The following SGMS2 variants were observed in gnomAD, a reference collection of about 807,000 sequenced individuals.
SGMS2 encodes sphingomyelin synthase 2.
In SGMS2, 21 loss-of-function variants were observed where a neutral mutation model predicts 43.8. The observed-to-expected ratio is 0.48, with a 90% CI of 0.34 to 0.69. The LOEUF is 0.69. SGMS2 is among the 30% of genes least tolerant of loss of function. The pLI is 0.01. For synonymous variants in SGMS2, 167 were observed against 160.6 expected (o/e 1.04, Z -0.30); for missense variants, 384 against 443.2 (o/e 0.87, Z 1.20).
rs930950674 is a variant in SGMS2, at chr4:107,859,475, A to G, written c.-245+922A>G. On this transcript the variant is annotated intron_variant, in intron 2 of 6. Transcript: ENST00000690982. ...GAATGTTGCTAAGGTTAGAATGCCT[A>G]CTTTGAGCTGGCACTAAGAATGGCA... Among the ~76,000 whole-genome samples the G allele has an allele frequency of 3.9e-5, 6 of 152,316 alleles. No individual in the cohort carries two copies. In the East Asian group the frequency reaches 7.7e-4, roughly 20 times the overall value.
At chr4:107,892,600 T>C (rs2126114510) in intron 2 of SGMS2, among the ~76,000 whole-genome samples, 2 of 152,270 alleles carry the variant, frequency 1.3e-5, no homozygotes, top group Admixed American at 1.3e-4. Flanking sequence ...TTTGGTTTCA[T>C]ACATTTTAGG....
At chr4:107,896,626 G>C (rs1423841890) in intron 3 of SGMS2, among the ~76,000 whole-genome samples, 2 of 152,154 alleles carry the variant, frequency 1.3e-5, no homozygotes, top group Non-Finnish European at 2.9e-5. Context: ...GATTTCTAAA[G>C]TAAACTTGCC....
intron 2 of SGMS2, among the ~76,000 whole-genome samples, chr4:107,872,561 T>C (rs1454511740): frequency 6.6e-6 from 1 of 152,114 alleles, no homozygotes; most frequent in Non-Finnish European, 1.5e-5. Flanking sequence ...TACCAGCTAC[T>C]CAGGAGGCTA....
At chr4:107,868,761 T>G (rs1728332510) in intron 2 of SGMS2, among the ~76,000 whole-genome samples, 1 of 152,134 alleles carries the variant, frequency 6.6e-6, no homozygotes, top group Admixed American at 6.5e-5. Context: ...AATGAAGCCT[T>G]TTTCTGCTCC....
At chr4:107,888,934 T>G (rs1729981665) in intron 2 of SGMS2, among the ~76,000 whole-genome samples, 1 of 152,186 alleles carries the variant, frequency 6.6e-6, no homozygotes, top group Non-Finnish European at 1.5e-5. Flanking sequence ...TAGTCATCAT[T>G]TAAAGTTTTG....
chr4:107,849,125 C>T (rs1726995796), intron 1 of SGMS2, among the ~76,000 whole-genome samples: 1 of 152,108 alleles, frequency 6.6e-6, no homozygotes, highest in Non-Finnish European at 1.5e-5. Flanking sequence ...GACTGGTTCT[C>T]TAAGGGAATG....
At chr4:107,867,562 C>G (rs903020271) in intron 2 of SGMS2, 2 of 152,190 alleles carry the variant, frequency 1.3e-5, no homozygotes, top group Non-Finnish European at 2.9e-5. Flanking sequence ...CCTGCCGAGT[C>G]AGAGCTACCA....
intron 4 of SGMS2, among the ~76,000 whole-genome samples, chr4:107,899,973 C>T (rs1391993724): frequency 6.6e-6 from 1 of 152,058 alleles, no homozygotes; most frequent in Non-Finnish European, 1.5e-5. Context: ...TGCTTTCATT[C>T]TACAGGCATT....
At chr4:107,837,226 A>G (rs1432861389) in intron 1 of SGMS2, among the ~76,000 whole-genome samples, 1 of 152,192 alleles carries the variant, frequency 6.6e-6, no homozygotes, top group Non-Finnish European at 1.5e-5. Context: ...TGAGAGAGGA[A>G]AAGGTGTTGA....
chr4:107,833,719 G>A (rs984800111), intron 1 of SGMS2, among the ~76,000 whole-genome samples: 79 of 152,202 alleles, frequency 5.2e-4, no homozygotes, highest in South Asian at 6.2e-4. Flanking sequence ...CACGGAAGGG[G>A]GAATTCAGGT....
chr4:107,887,995 A>G (rs1444053350), intron 2 of SGMS2, among the ~76,000 whole-genome samples: 1 of 152,222 alleles, frequency 6.6e-6, no homozygotes, highest in African/African-American at 2.4e-5. Flanking sequence ...CTTGTCTTGC[A>G]TCAGTGTGTC....
intron 2 of SGMS2, among the ~76,000 whole-genome samples, chr4:107,889,133 C>T (rs961833094): frequency 6.6e-6 from 1 of 152,106 alleles, no homozygotes; most frequent in African/African-American, 2.4e-5. Flanking sequence ...AACCTCAGTC[C>T]CTGTGGACTA....
intron 2 of SGMS2, among the ~76,000 whole-genome samples, chr4:107,876,664 A>G (rs1205907201): frequency 1.3e-5 from 2 of 152,254 alleles, no homozygotes; most frequent in Non-Finnish European, 2.9e-5. Context: ...TGAAGGTCAC[A>G]GAATACAAGA....
At chr4:107,872,620 T>C (rs1186036352) in intron 2 of SGMS2, among the ~76,000 whole-genome samples, 1 of 152,044 alleles carries the variant, frequency 6.6e-6, no homozygotes, top group African/African-American at 2.4e-5. Context: ...CAGTAAGCTA[T>C]GATTGTGCCA....
At chr4:107,838,346 AT>A (rs1726312282) in intron 1 of SGMS2, among the ~76,000 whole-genome samples, 1 of 152,228 alleles carries the variant, frequency 6.6e-6, no homozygotes, top group African/African-American at 2.4e-5. Context: ...CAAAGCACAA[AT>A]TAATTACTTC....
rs559458205 is a variant in SGMS2 at position 107,905,914 on chromosome 4, A to G, written c.727+2528A>G. 3.4e-3 allele frequency among the ~76,000 whole-genome samples: 514 copies of G among 152,314 alleles called. 2 individuals carry two copies. The highest frequency in any genetic ancestry group is 4.4e-3 in the Non-Finnish European group (298 of 68,018). ...ATGATTTTGACTAGAGGTTTCTAAAATTGTGTACATTTATATATAGTGTGC... is the reference window on the plus strand; with the variant it reads ...ATGATTTTGACTAGAGGTTTCTAAAGTTGTGTACATTTATATATAGTGTGC... On this transcript the variant is annotated intron_variant, in intron 5 of 6. Transcript: ENST00000690982.
chr4:107,882,812 GAT>G (rs1227764099), intron 2 of SGMS2, among the ~76,000 whole-genome samples: 1 of 152,008 alleles, frequency 6.6e-6, no homozygotes, highest in African/African-American at 2.4e-5. Flanking sequence ...TGTTTCAACT[GAT>G]ATTCAATTCA....
At chr4:107,842,815 G>A (rs1726601479) in intron 1 of SGMS2, among the ~76,000 whole-genome samples, 1 of 152,142 alleles carries the variant, frequency 6.6e-6, no homozygotes, top group African/African-American at 2.4e-5. Context: ...GGTGTAATCG[G>A]AGCTGATTTT....
intron 1 of SGMS2, among the ~76,000 whole-genome samples, chr4:107,837,244 G>A (rs1578503739): frequency 6.6e-6 from 1 of 152,188 alleles, no homozygotes; most frequent in Non-Finnish European, 1.5e-5. Flanking sequence ...TGAAAAGCAG[G>A]ACTGATAGGA....
Sources: allele counts gnomAD v4.1 joint callset (sites outside exome capture counted in the v4.1 genomes callset), GRCh38; gene constraint gnomAD v4.1.1; transcripts MANE v1.5; gene names NCBI Gene and HGNC (gene_info 2026-07-23, HGNC 2026-07-21).